Variants in GRM1 observed in about 807,000 individuals in gnomAD.
The protein encoded by GRM1 is glutamate metabotropic receptor 1.
In GRM1, 33 loss-of-function variants were observed where a neutral mutation model predicts 90.9. The observed-to-expected ratio is 0.36, with a 90% CI of 0.28 to 0.49. GRM1 has a LOEUF of 0.49. Ranked by LOEUF, GRM1 falls within the 20% of genes least tolerant of loss-of-function variation. The pLI is 0.99. For missense variants in GRM1, 1,190 were observed against 1,534.3 expected (o/e 0.78, Z 3.75); for synonymous variants, 700 against 613.2 (o/e 1.14, Z -2.09).
intron 3 of GRM1, among the ~76,000 whole-genome samples, chr6:146,323,602 C>T (rs1253071389): frequency 6.6e-6 from 1 of 152,138 alleles, no homozygotes; most frequent in East Asian, 1.9e-4. Context: ...TTAATTAGAT[C>T]CCATTTGTCA....
At chr6:146,062,074 A>G (rs2128854468) in intron 1 of GRM1, among the ~76,000 whole-genome samples, 1 of 152,192 alleles carries the variant, frequency 6.6e-6, no homozygotes, top group Middle Eastern at 3.4e-3. Context: ...TGTTCACAAG[A>G]GCAGAGTTGG....
chr6:146,180,723 A>G (rs879741046), intron 2 of GRM1, among the ~76,000 whole-genome samples: 2 of 152,040 alleles, frequency 1.3e-5, no homozygotes, highest in Non-Finnish European at 2.9e-5. Flanking sequence ...GGTTTTCTTC[A>G]TAGGACTTTC....
At chr6:146,224,054 G>C (rs890565719) in intron 2 of GRM1, among the ~76,000 whole-genome samples, 3 of 152,042 alleles carry the variant, frequency 2.0e-5, no homozygotes, top group Non-Finnish European at 4.4e-5. Flanking sequence ...CAGAAATCCA[G>C]CTGTGTTCCC....
chr6:146,397,372 A>G (rs931464501), intron 6 of GRM1, among the ~76,000 whole-genome samples: 34 of 150,220 alleles, frequency 2.3e-4, no homozygotes, highest in East Asian at 1.4e-3. Context: ...TACTCGGGAG[A>G]CTGAGGCAGG....
At chr6:146,082,410 C>T (rs1776394758) in intron 1 of GRM1, among the ~76,000 whole-genome samples, 1 of 152,182 alleles carries the variant, frequency 6.6e-6, no homozygotes, top group Non-Finnish European at 1.5e-5. Flanking sequence ...CCTGCCTCAG[C>T]CTCCCAAAAT....
intron 3 of GRM1, among the ~76,000 whole-genome samples, chr6:146,338,487 G>A (rs937279122): frequency 6.6e-6 from 1 of 152,164 alleles, no homozygotes; most frequent in South Asian, 2.1e-4. Context: ...CCTTCTCAGG[G>A]CCTCTTGCAT....
chr6:146,136,983 G>C (rs1448801558), intron 1 of GRM1, among the ~76,000 whole-genome samples: 1 of 150,388 alleles, frequency 6.6e-6, no homozygotes, highest in Admixed American at 6.7e-5. Context: ...CTCCCAAGTA[G>C]CTGGTATTAC....
At chr6:146,121,080 G>A (rs1028667901) in intron 1 of GRM1, among the ~76,000 whole-genome samples, 1 of 151,988 alleles carries the variant, frequency 6.6e-6, no homozygotes, top group Admixed American at 6.6e-5. Context: ...GCTTTTTTTG[G>A]TTGTTAAGCT....
chr6:146,268,782 A>T (rs1454756378), intron 2 of GRM1, among the ~76,000 whole-genome samples: 1 of 152,244 alleles, frequency 6.6e-6, no homozygotes, highest in Non-Finnish European at 1.5e-5. Flanking sequence ...TTTTTATAGA[A>T]CCACAAATGA....
At chr6:146,356,408 T>C (rs1362915033) in intron 4 of GRM1, among the ~76,000 whole-genome samples, 1 of 147,740 alleles carries the variant, frequency 6.8e-6, no homozygotes, top group Non-Finnish European at 1.5e-5. Context: ...AATTTTGTCC[T>C]TGTGTGGTGG....
chr6:146,104,549 A>G (rs1439159308), intron 1 of GRM1, among the ~76,000 whole-genome samples: 1 of 152,218 alleles, frequency 6.6e-6, no homozygotes, highest in African/African-American at 2.4e-5. Flanking sequence ...ATGGGGGGGC[A>G]TTAAGGAAGA....
chr6:146,074,179 A>T (rs1776107542), intron 1 of GRM1, among the ~76,000 whole-genome samples: 3 of 152,086 alleles, frequency 2.0e-5, no homozygotes, highest in Admixed American at 2.0e-4. Context: ...GATGAGAGAT[A>T]TCAAGACCAG....
chr6:146,044,954 A>G (rs949613053), intron 1 of GRM1, among the ~76,000 whole-genome samples: 13 of 151,882 alleles, frequency 8.6e-5, no homozygotes, highest in African/African-American at 2.9e-4. Context: ...ATTCTGACTT[A>G]GTAGATCTGG....
chr6:146,353,744 C>T (rs571515795), intron 4 of GRM1, among the ~76,000 whole-genome samples: 1 of 152,332 alleles, frequency 6.6e-6, no homozygotes, highest in East Asian at 1.9e-4. Context: ...ATTCCCCTGT[C>T]TCAGCTTCCC....
chr6:146,030,276 C>T (rs979318140), intron 1 of GRM1, 59 bp downstream of exon 1: 15 of 1,125,644 alleles, frequency 1.3e-5, no homozygotes, highest in Non-Finnish European at 2.0e-5. Context: ...GCATGATGTG[C>T]TCCTGGGATC....
chr6:146,363,070 G>A (rs362907), intron 5 of GRM1, among the ~76,000 whole-genome samples: 1 of 152,146 alleles, frequency 6.6e-6, no homozygotes, highest in Non-Finnish European at 1.5e-5. Context: ...GGCTTTTCCT[G>A]TTAGTAGATA....
intron 1 of GRM1, among the ~76,000 whole-genome samples, chr6:146,031,699 G>T (rs536066215): frequency 2.0e-5 from 3 of 152,028 alleles, no homozygotes; most frequent in South Asian, 2.1e-4. Flanking sequence ...AAGACTCAAA[G>T]TATTAATTCC....
chr6:146,147,900 A>G (rs1422819759), intron 1 of GRM1, among the ~76,000 whole-genome samples: 2 of 152,226 alleles, frequency 1.3e-5, no homozygotes, highest in Non-Finnish European at 2.9e-5. Flanking sequence ...AAAGAAAAAG[A>G]AAAAAAGAAG....
At chr6:146,139,498 G>A (rs1180574485) in intron 1 of GRM1, among the ~76,000 whole-genome samples, 1 of 152,096 alleles carries the variant, frequency 6.6e-6, no homozygotes, top group African/African-American at 2.4e-5. Context: ...GTGCTCCAGT[G>A]TTGGGTCCAT....
Sources: allele counts gnomAD v4.1 joint callset (sites outside exome capture counted in the v4.1 genomes callset), GRCh38; gene constraint gnomAD v4.1.1; transcripts MANE v1.5; gene names NCBI Gene and HGNC (gene_info 2026-07-23, HGNC 2026-07-21).